The following RETREG2 variants were observed in gnomAD, a reference collection of about 807,000 sequenced individuals.
RETREG2 encodes the protein reticulophagy regulator family member 2.
Under a neutral mutation model 51.6 loss-of-function variants are expected in RETREG2, and 21 were observed. That is an observed-to-expected ratio of 0.41 (90% CI 0.29 to 0.59). The LOEUF (loss-of-function observed/expected upper bound fraction) is 0.59, where lower values mean the gene tolerates loss of function less well. Ranked by LOEUF, RETREG2 falls within the 20% of genes least tolerant of loss-of-function variation. The pLI is 0.34. For synonymous variants in RETREG2, 339 were observed against 288.6 expected (o/e 1.17, Z -1.77); for missense variants, 674 against 646.0 (o/e 1.04, Z -0.47).
chr2:219,182,273 C>T lies in RETREG2; in HGVS notation c.1276C>T (p.Pro426Ser), dbSNP rs766810757. 4.3e-6 allele frequency: 7 copies of T among 1,613,996 alleles called. No individual in the cohort carries two copies. Among genetic ancestry groups the T allele is most frequent in the South Asian group, 1.1e-5 (1 of 91,084 alleles). ...GSPPDGVKCS[P>S]GGPVETLSPE... is the part of the protein sequence containing the mutation. The stretch of plus-strand genomic sequence containing the variant: ...CCCCCCAGATGGAGTGAAATGCTCC[C>T]CTGGAGGACCAGTGGAGACACTGAG... Residue 426 changes from proline to serine, a missense_variant, in exon 9 of 9, where the codon CCT becomes TCT. Pro to Ser is a moderately conservative substitution (Grantham distance 74). Transcript: ENST00000430297.
intron 3 of RETREG2, 70 bp downstream of exon 3, chr2:219,179,833 T>A (rs984455335): frequency 1.3e-6 from 2 of 1,503,762 alleles, no homozygotes; most frequent in Non-Finnish European, 1.9e-6. Context: ...AGTGTCACCA[T>A]GGAGCAGGGC....
rs928579850 is a variant in RETREG2, at chr2:219,185,333, AG to A, written c.*2708del. ...AAATCAACTGGAAAAGTACAGGCTG[AG>A]GGGAGAAGAGTTGGCTACATGTTTA... On this transcript the variant is annotated 3_prime_UTR_variant, in exon 9 of 9. Coordinates refer to ENST00000430297, the MANE Select transcript of RETREG2 (RefSeq NM_024293.6). The A allele has an allele frequency of 3.0e-4, 46 of 152,226 alleles. No homozygotes were observed. Among genetic ancestry groups the A allele is most frequent in the African/African-American group, 1.1e-3 (44 of 41,460 alleles). The allele number at this position is 152,226 out of a possible 1,614,324, so 9.4% of individuals were successfully genotyped here.
In RETREG2 at chr2:219,178,310, G is replaced by GC; in HGVS notation, c.-40dup. ...ACGCGCCCCCGGCGGCGGCCGCGCA[G>GC]CCCTGGCTCCTCGCGGGCTCGGGCG... is the stretch of plus-strand genomic sequence containing the variant. On this transcript the variant is annotated 5_prime_UTR_variant, in exon 1 of 9. Coordinates refer to ENST00000430297, the MANE Select transcript of RETREG2 (RefSeq NM_024293.6). 4 of 387,482 alleles carry GC rather than the reference G, an allele frequency of 1.0e-5. No individual in the cohort carries two copies. The highest frequency in any genetic ancestry group is 1.4e-5 in the Non-Finnish European group (3 of 218,864). The allele number at this position is 387,482 out of a possible 1,614,324, so 24.0% of individuals were successfully genotyped here. A position where few individuals can be genotyped will look rare whatever the true frequency, so the allele number is the denominator to read the frequency against.
rs767290119 is a variant in RETREG2, at chr2:219,182,746, G to C, written c.*117G>C. ...GCAGTGTGTGGGGAAGCTGGCTGTC[G>C]GATGGTAGCTATTCCACCCTCTGCC... On this transcript the variant is annotated 3_prime_UTR_variant, in exon 9 of 9. Transcript: ENST00000430297. The C allele has an allele frequency of 3.2e-6, 4 of 1,260,378 alleles. No individual in the cohort carries two copies. Among genetic ancestry groups the C allele is most frequent in the African/African-American group, 3.0e-5 (2 of 67,680 alleles). 78.1% of individuals were successfully genotyped at this position (1,260,378 alleles called of 1,614,324 possible).
chr2:219,181,269 G>T (rs1251043549), intron 6 of RETREG2, 64 bp downstream of exon 6: 2 of 1,609,550 alleles, frequency 1.2e-6, no homozygotes, highest in Middle Eastern at 1.7e-4. Flanking sequence ...GGGTTCATGA[G>T]ATGCCCTGGA....
intron 4 of RETREG2, 133 bp from the exon 5 acceptor site, chr2:219,180,537 C>T: frequency 6.7e-7 from 1 of 1,502,994 alleles, no homozygotes. Context: ...TGAGCATCCT[C>T]TTAACCAAAC....
chr2:219,182,091 T>G lies in RETREG2; in HGVS notation c.1094T>G (p.Leu365Arg). 6.2e-7 allele frequency: 1 copy of G among 1,614,090 alleles called. No homozygotes were observed. The highest frequency in any genetic ancestry group is 8.5e-7 in the Non-Finnish European group (1 of 1,179,998). ...CTAGGGGAGGGAGAGGAGGGAGAGC[T>G]GGCCCCTCCCGAAGACCTACTAGGC... The part of the protein sequence containing the change: ...RDLGEGEEGE[L>R]APPEDLLGRP... The change falls in exon 9 of 9, where the codon CTG becomes CGG. Residue 365 changes from leucine (L) to arginine (R), a missense_variant. Transcript: ENST00000430297.
In RETREG2 at chr2:219,182,338, C is replaced by T. The variant is rs1398193559; in HGVS notation, c.1341C>T (p.Gly447=). 2 of 1,613,954 alleles carry T rather than the reference C, an allele frequency of 1.2e-6. No individual in the cohort carries two copies. The highest frequency in any genetic ancestry group is 2.2e-5 in the East Asian group (1 of 44,858). ...GTGGTGGCCTCACTGCTCTGCCCGG[C>T]ACCCTGTCACCTCCACTTTGCCTTG... ...TVSGGLTALP[G]TLSPPLCLVG... is the part of the protein sequence containing the mutation. Residue 447 remains glycine, a synonymous_variant, in exon 9 of 9, where the codon GGC becomes GGT. Transcript: ENST00000430297.
intron 2 of RETREG2, 104 bp from the exon 3 acceptor site, chr2:219,179,629 G>C: frequency 1.9e-6 from 2 of 1,074,822 alleles, no homozygotes; most frequent in Non-Finnish European, 2.9e-6. Flanking sequence ...GGCATCTGAA[G>C]AAGGTGCTCT....
chr2:219,180,330 C>T, intron 4 of RETREG2, 85 bp downstream of exon 4: 1 of 1,551,228 alleles, frequency 6.4e-7, no homozygotes, highest in South Asian at 1.1e-5. Flanking sequence ...GATATAAACT[C>T]CCCGCTTGGA....
In RETREG2 at chr2:219,181,777, T is replaced by G. The variant is rs1574785312; in HGVS notation, c.1015+2T>G. 1 of 1,612,758 alleles carries G rather than the reference T, an allele frequency of 6.2e-7. No homozygotes were observed. Among genetic ancestry groups the G allele is most frequent in the Non-Finnish European group, 8.5e-7 (1 of 1,179,230 alleles). On this transcript the variant is annotated splice_donor_variant, in intron 8 of 8. Transcript: ENST00000430297. LOFTEE classifies it high-confidence loss of function. Reference sequence around the variant, plus strand: ...CGCAGCTGACTGATGTCTCCGAGGGTATGGGGAGCCCTTTGCTGCCCTGCT... The same window carrying G: ...CGCAGCTGACTGATGTCTCCGAGGGGATGGGGAGCCCTTTGCTGCCCTGCT...
At chr2:219,181,859 C>T in intron 8 of RETREG2, 84 bp downstream of exon 8, 1 of 1,571,560 alleles carries the variant, frequency 6.4e-7, no homozygotes, top group Non-Finnish European at 8.7e-7. Context: ...CTCTGGCCCA[C>T]TCACTCTCTA....
In RETREG2 at chr2:219,182,783, C is replaced by CTGCT. The variant is rs1206023480; in HGVS notation, c.*155_*158dup. 6.2e-6 allele frequency: 5 copies of CTGCT among 807,838 alleles called. No homozygotes were observed. In the African/African-American group the frequency reaches 6.9e-5, roughly 11 times the overall value. The allele number at this position is 807,838 out of a possible 1,614,324, so 50.0% of individuals were successfully genotyped here. On this transcript the variant is annotated 3_prime_UTR_variant, in exon 9 of 9. Transcript: ENST00000430297. ...TTCCACCCTCTGCCTGCCTGCCTGCCTGCTGTCCTGGGCATGGTGCAGTAC... is the reference window on the plus strand; with the variant it reads ...TTCCACCCTCTGCCTGCCTGCCTGCCTGCTTGCTGTCCTGGGCATGGTGCAGTAC...
chr2:219,182,193 T>C lies in RETREG2; in HGVS notation c.1196T>C (p.Leu399Ser), dbSNP rs1950290172. ...GATGTGGCAGCTAAGGAAACCTTGTTGCGGCTCTCATCCCCCCTCCACTTT... is the reference window on the plus strand; with the variant it reads ...GATGTGGCAGCTAAGGAAACCTTGTCGCGGCTCTCATCCCCCCTCCACTTT... Reference protein sequence around the residue: ...EEDVAAKETLLRLSSPLHFVN... With the variant: ...EEDVAAKETLSRLSSPLHFVN... Residue 399 changes from leucine to serine, a missense_variant, in exon 9 of 9, where the codon TTG (leucine) becomes TCG (serine). Transcript: ENST00000430297. 3.7e-6 allele frequency: 6 copies of C among 1,614,130 alleles called. No individual in the cohort carries two copies. The highest frequency in any genetic ancestry group is 3.3e-5 in the South Asian group (3 of 91,078).
chr2:219,181,747 A>G lies in RETREG2; in HGVS notation c.987A>G (p.Thr329=). 6.2e-7 allele frequency: 1 copy of G among 1,613,864 alleles called. No individual in the cohort carries two copies. Among genetic ancestry groups the G allele is most frequent in the Non-Finnish European group, 8.5e-7 (1 of 1,179,970 alleles). The change falls in exon 8 of 9, where the codon ACA becomes ACG. Residue 329 remains threonine (T), a synonymous_variant. Coordinates refer to ENST00000430297, the MANE Select transcript of RETREG2 (RefSeq NM_024293.6). ...GTGGCTTCTCCGTATCCCGGGCCAC[A>G]ACTCCGCAGCTGACTGATGTCTCCG... ...ESGGFSVSRA[T]TPQLTDVSED... is the part of the protein sequence containing the mutation.
In RETREG2 at chr2:219,182,662, T is replaced by C. The variant is rs553877300; in HGVS notation, c.*33T>C. On this transcript the variant is annotated 3_prime_UTR_variant, in exon 9 of 9. Coordinates refer to ENST00000430297, the MANE Select transcript of RETREG2 (RefSeq NM_024293.6). ...GTTGAGGAAGGAGCTGCAGGCACAGTAGGGCTTCCTGGCTAGGAGTGTTGC... is the reference window on the plus strand; with the variant it reads ...GTTGAGGAAGGAGCTGCAGGCACAGCAGGGCTTCCTGGCTAGGAGTGTTGC... The C allele has an allele frequency of 6.2e-4, 999 of 1,606,438 alleles. 13 individuals are homozygous for C. In the South Asian group the frequency reaches 9.9e-3, roughly 16 times the overall value.
rs766283897 is a variant in RETREG2, at chr2:219,180,683, T to G, written c.569T>G (p.Val190Gly). The G allele has an allele frequency of 6.2e-7, 1 of 1,613,748 alleles. No individual in the cohort carries two copies. Among genetic ancestry groups the G allele is most frequent in the Non-Finnish European group, 8.5e-7 (1 of 1,179,748 alleles). The change falls in exon 5 of 9, where the codon GTC becomes GGC. Residue 190 changes from valine to glycine, a missense_variant. Physicochemically the swap from Val to Gly is moderately radical, Grantham distance 109. Coordinates refer to ENST00000430297, the MANE Select transcript of RETREG2 (RefSeq NM_024293.6). ...RQNPAQFCVR[V>G]CSGCAVLAVL... is the part of the protein sequence containing the mutation. ...TCTTCTCTGCAGTTCTGCGTTCGAG[T>G]CTGCTCTGGCTGTGCTGTGTTGGCT...
Position 219,179,728 on chromosome 2 carries a change from T to G in RETREG2, c.389-5T>G, listed in dbSNP as rs1950248887. The G allele has an allele frequency of 1.1e-5, 17 of 1,613,918 alleles. No individual in the cohort carries two copies. Among genetic ancestry groups the G allele is most frequent in the Non-Finnish European group, 1.4e-5 (16 of 1,179,932 alleles). The stretch of plus-strand genomic sequence containing the variant: ...CAATAATTTGCCCCCCTCCTCTCTC[T>G]CTAGCATCATCCCCAGAGGAGCCAC... On this transcript the variant is annotated splice_region_variant and splice_polypyrimidine_tract_variant and intron_variant, in intron 2 of 8. Coordinates refer to ENST00000430297, the MANE Select transcript of RETREG2 (RefSeq NM_024293.6).
chr2:219,178,826 G>A, intron 1 of RETREG2, 96 bp from the exon 2 acceptor site: 2 of 1,101,250 alleles, frequency 1.8e-6, no homozygotes, highest in South Asian at 1.5e-5. Flanking sequence ...GCCTGGAGGT[G>A]CCATTACCCC....
Sources: gnomAD v4.1 joint callset for allele counts on GRCh38, gnomAD v4.1.1 for gene constraint, MANE v1.5 for transcripts, NCBI Gene and HGNC (gene_info 2026-07-23, HGNC 2026-07-21) for gene names.